The following ILRUN variants were observed in gnomAD, a reference collection of about 807,000 sequenced individuals.
ILRUN encodes protein ILRUN.
A neutral mutation model predicts 33.8 loss-of-function variants in ILRUN; 3 were observed. The observed-to-expected ratio is 0.09, with a 90% confidence interval of 0.04 to 0.23. The LOEUF (loss-of-function observed/expected upper bound fraction) is 0.23, where lower values mean the gene tolerates loss of function less well. ILRUN is among the 10% of genes least tolerant of loss of function. The probability of loss-of-function intolerance (pLI) is 1.00; values close to 1 mark genes in which losing one functional copy is unlikely to be tolerated. For missense variants in ILRUN, 210 were observed against 375.1 expected (o/e 0.56, Z 3.64); for synonymous variants, 124 against 138.9 (o/e 0.89, Z 0.75).
chr6:34,629,994 A>C (rs1762212350), intron 3 of ILRUN, among the ~76,000 whole-genome samples: 1 of 152,206 alleles, frequency 6.6e-6, no homozygotes, highest in Admixed American at 6.6e-5. Flanking sequence ...AGAGGTTAAC[A>C]ATAACTGATA....
At position 34,641,280 on chromosome 6, in the gene ILRUN, A is replaced by G. The variant is rs894620263; in HGVS notation, c.511+5321T>C. 2.0e-5 allele frequency among the ~76,000 whole-genome samples: 3 copies of G among 152,272 alleles called. No homozygotes were observed. The East Asian group carries it at 5.8e-4, about 29-fold the overall frequency. On this transcript the variant is annotated intron_variant, in intron 3 of 4. Coordinates refer to ENST00000374023, the MANE Select transcript of ILRUN (RefSeq NM_024294.4). ...TTACACTCAATAAGCTAGTAAGCCG[A>G]GTGAGCCAATCATGGTTATTATGGA...
chr6:34,593,097 T>A (rs1171143234), intron 4 of ILRUN, among the ~76,000 whole-genome samples: 1 of 152,126 alleles, frequency 6.6e-6, no homozygotes, highest in Non-Finnish European at 1.5e-5. Context: ...GAGGATCACT[T>A]GAGCCCAGGA....
intron 4 of ILRUN, among the ~76,000 whole-genome samples, chr6:34,599,180 T>G (rs1209304219): frequency 6.6e-6 from 1 of 152,208 alleles, no homozygotes; most frequent in Non-Finnish European, 1.5e-5. Flanking sequence ...CACCTTCAAT[T>G]TGCTGTGTGA....
intron 4 of ILRUN, among the ~76,000 whole-genome samples, chr6:34,604,212 A>G (rs1761577462): frequency 6.6e-6 from 1 of 152,230 alleles, no homozygotes; most frequent in South Asian, 2.1e-4. Context: ...TAAATAAGTC[A>G]ATAACCTCAC....
intron 3 of ILRUN, among the ~76,000 whole-genome samples, chr6:34,643,997 C>A (rs910967428): frequency 7.2e-5 from 11 of 152,124 alleles, no homozygotes; most frequent in Non-Finnish European, 1.2e-4. Context: ...CCACTGCACC[C>A]GGCCTTTACT....
intron 3 of ILRUN, among the ~76,000 whole-genome samples, chr6:34,623,067 C>T (rs1443784562): frequency 6.6e-6 from 1 of 152,058 alleles, no homozygotes; most frequent in Non-Finnish European, 1.5e-5. Context: ...AGTAGAATGG[C>T]GGTTTCCAAT....
rs1554189893 is a variant in ILRUN at position 34,683,518 on chromosome 6, A to ATATATGTG, written c.158+12927_158+12928insCACATATA. ...TATATACATATATATATATATACATATATATATATACATATTGCACAGAAT... is the reference window on the plus strand; with the variant it reads ...TATATACATATATATATATATACATATATATGTGTATATATATACATATTGCACAGAAT... On this transcript the variant is annotated intron_variant, in intron 1 of 4. Transcript: ENST00000374023. Among the ~76,000 whole-genome samples, 684 of 99,168 alleles carry ATATATGTG rather than the reference A, an allele frequency of 6.9e-3. 8 individuals carry two copies. Among genetic ancestry groups the ATATATGTG allele is most frequent in the African/African-American group, 0.013 (247 of 19,010 alleles). 65.1% of individuals were successfully genotyped at this position (99,168 alleles called of 152,430 possible).
At chr6:34,696,382 C>T (rs1178757977) in intron 1 of ILRUN, 64 bp downstream of exon 1, 3 of 1,486,390 alleles carry the variant, frequency 2.0e-6, no homozygotes, top group East Asian at 5.0e-5. Flanking sequence ...GCTCAAGTGT[C>T]CCTTCCCTTC....
At chr6:34,606,054 T>C (rs1761622471) in intron 4 of ILRUN, among the ~76,000 whole-genome samples, 1 of 152,108 alleles carries the variant, frequency 6.6e-6, no homozygotes, top group African/African-American at 2.4e-5. Flanking sequence ...AATCAGAATA[T>C]TTAAAATCAC....
chr6:34,684,610 A>G (rs1302526141), intron 1 of ILRUN, among the ~76,000 whole-genome samples: 3 of 152,224 alleles, frequency 2.0e-5, no homozygotes, highest in Non-Finnish European at 4.4e-5. Flanking sequence ...GTTTCTATAC[A>G]TAATAAACAC....
At chr6:34,693,668 TTTTA>T (rs1763695348) in intron 1 of ILRUN, among the ~76,000 whole-genome samples, 1 of 99,696 alleles carries the variant, frequency 1.0e-5, no homozygotes, top group Non-Finnish European at 2.0e-5. Context: ...TTTTATTTTA[TTTTA>T]TTTTTTTTTT....
At chr6:34,655,972 C>A (rs1002901104) in intron 1 of ILRUN, among the ~76,000 whole-genome samples, 1 of 152,152 alleles carries the variant, frequency 6.6e-6, no homozygotes, top group South Asian at 2.1e-4. Context: ...CAGTGGCTCA[C>A]GCCTGTAATC....
chr6:34,638,447 C>A (rs1337419367), intron 3 of ILRUN, among the ~76,000 whole-genome samples: 3 of 152,178 alleles, frequency 2.0e-5, no homozygotes, highest in African/African-American at 7.2e-5. Context: ...GTTGCTGTGG[C>A]TCATGCCTGT....
At chr6:34,629,428 A>G (rs1762201669) in intron 3 of ILRUN, among the ~76,000 whole-genome samples, 1 of 152,148 alleles carries the variant, frequency 6.6e-6, no homozygotes, top group African/African-American at 2.4e-5. Context: ...TCAGACTCCC[A>G]AAGTGCTGGG....
intron 3 of ILRUN, chr6:34,616,517 T>C: frequency 1.0e-6 from 1 of 977,100 alleles, no homozygotes; most frequent in East Asian, 2.4e-5. Flanking sequence ...GTCAGTATTA[T>C]GCTCTTTTCA....
rs1469229593 is a variant in ILRUN, at chr6:34,587,352, C to T, written c.*3213G>A. The T allele has an allele frequency of 1.3e-5, 2 of 152,602 alleles. No homozygotes were observed. Among genetic ancestry groups the T allele is most frequent in the Non-Finnish European group, 2.9e-5 (2 of 68,034 alleles). 9.5% of individuals were successfully genotyped at this position (152,602 alleles called of 1,614,324 possible). ...CATTTATACAATAAGGAAAAACCTC[C>T]TCATCTTTATCTCCTCCTAGGCACC... On this transcript the variant is annotated 3_prime_UTR_variant, in exon 5 of 5. Coordinates refer to ENST00000374023, the MANE Select transcript of ILRUN (RefSeq NM_024294.4).
intron 3 of ILRUN, among the ~76,000 whole-genome samples, chr6:34,617,629 C>T (rs1398385249): frequency 6.6e-6 from 1 of 152,136 alleles, no homozygotes; most frequent in Non-Finnish European, 1.5e-5. Flanking sequence ...TTCTCAGTGA[C>T]CTCCTGATTT....
chr6:34,691,662 C>A (rs951783210), intron 1 of ILRUN, among the ~76,000 whole-genome samples: 2 of 151,870 alleles, frequency 1.3e-5, no homozygotes, highest in Admixed American at 6.6e-5. Context: ...CAGGTGTGGT[C>A]GTGGGCGCCC....
At chr6:34,629,026 T>C (rs570648299) in intron 3 of ILRUN, among the ~76,000 whole-genome samples, 68 of 152,226 alleles carry the variant, frequency 4.5e-4, no homozygotes, top group Admixed American at 4.1e-3. Context: ...TGAGGATCAT[T>C]TGTGCCTGGG....
Sources: gnomAD v4.1 joint callset for allele counts (sites outside exome capture counted in the v4.1 genomes callset) on GRCh38, gnomAD v4.1.1 for gene constraint, MANE v1.5 for transcripts, NCBI Gene and HGNC (gene_info 2026-07-23, HGNC 2026-07-21) for gene names.